The following RTN1 variants were observed in gnomAD, a reference collection of about 807,000 sequenced individuals.
RTN1 encodes reticulon 1, also known as reticulon-1.
A neutral mutation model predicts 65.5 loss-of-function variants in RTN1; 25 were observed. That is an observed-to-expected ratio of 0.38 (90% confidence interval 0.28 to 0.53). RTN1 has a LOEUF of 0.53. Among genes scored for constraint, RTN1 ranks in the 20% least tolerant of loss-of-function variants. The probability of loss-of-function intolerance (pLI) is 0.79; values close to 1 mark genes in which losing one functional copy is unlikely to be tolerated. For missense variants in RTN1, 983 were observed against 1,025.4 expected (o/e 0.96, Z 0.57); for synonymous variants, 471 against 447.6 (o/e 1.05, Z -0.66).
At chr14:59,697,025 T>C (rs1258626787) in intron 3 of RTN1, among the ~76,000 whole-genome samples, 1 of 152,130 alleles carries the variant, frequency 6.6e-6, no homozygotes, top group Admixed American at 6.5e-5. Context: ...GCTTATGTTA[T>C]TCACCCTTCT....
intron 3 of RTN1, among the ~76,000 whole-genome samples, chr14:59,707,748 CA>C (rs1346173910): frequency 6.6e-6 from 1 of 150,722 alleles, no homozygotes; most frequent in Non-Finnish European, 1.5e-5. Flanking sequence ...CACACAAATA[CA>C]TACACACAAA....
At chr14:59,657,222 T>G (rs1883139612) in intron 3 of RTN1, among the ~76,000 whole-genome samples, 1 of 151,940 alleles carries the variant, frequency 6.6e-6, no homozygotes, top group African/African-American at 2.4e-5. Flanking sequence ...CAGCCTGGCC[T>G]ACATGGTGAA....
chr14:59,749,170 ATCTATC>A (rs1885306215), intron 1 of RTN1, among the ~76,000 whole-genome samples: 1 of 71,418 alleles, frequency 1.4e-5, no homozygotes, highest in African/African-American at 7.7e-5. Context: ...CTATCTATAT[ATCTATC>A]TATATATCTA....
intron 1 of RTN1, among the ~76,000 whole-genome samples, chr14:59,813,901 T>G (rs920845299): frequency 1.3e-5 from 2 of 152,176 alleles, no homozygotes; most frequent in Non-Finnish European, 2.9e-5. Context: ...ATAGACGTCA[T>G]GATCAAAAAA....
chr14:59,726,898 T>A, intron 3 of RTN1, 21 bp downstream of exon 3: 1 of 1,597,476 alleles, frequency 6.3e-7, no homozygotes, highest in Non-Finnish European at 8.5e-7. Flanking sequence ...TAACCAAGCA[T>A]CCCTGCTTGG....
intron 1 of RTN1, among the ~76,000 whole-genome samples, chr14:59,822,116 T>C (rs1886954032): frequency 6.6e-6 from 1 of 152,244 alleles, no homozygotes; most frequent in African/African-American, 2.4e-5. Flanking sequence ...TCTGGTAGAA[T>C]TTGGCTGTGA....
intron 1 of RTN1, among the ~76,000 whole-genome samples, chr14:59,764,872 T>C (rs1315591561): frequency 2.0e-5 from 3 of 152,162 alleles, no homozygotes; most frequent in Admixed American, 6.5e-5. Context: ...CCTTATATTT[T>C]TAACAGTCAG....
intron 1 of RTN1, among the ~76,000 whole-genome samples, chr14:59,867,527 A>T (rs1363244867): frequency 6.6e-6 from 1 of 152,204 alleles, no homozygotes; most frequent in Non-Finnish European, 1.5e-5. Context: ...AAAATAGAGG[A>T]TTGATGGAGT....
At chr14:59,743,851 T>C (rs1419025262) in intron 2 of RTN1, among the ~76,000 whole-genome samples, 1 of 152,212 alleles carries the variant, frequency 6.6e-6, no homozygotes, top group Non-Finnish European at 1.5e-5. Flanking sequence ...GGATTGGGAC[T>C]GCTTCCTTGG....
intron 2 of RTN1, among the ~76,000 whole-genome samples, chr14:59,742,618 C>A (rs1295475599): frequency 2.0e-5 from 3 of 152,164 alleles, no homozygotes; most frequent in East Asian, 1.9e-4. Context: ...AAAGCTAACC[C>A]AAATTAGAAT....
Position 59,870,367 on chromosome 14 carries a change from A to G in RTN1, c.241+23T>C. ...GGGCCCTGGTCCCCGACGCCATTTG[A>G]GGGGCAGCGGCGCCCGCCTTACCTG... On this transcript the variant is annotated intron_variant, in intron 1 of 8. Coordinates refer to ENST00000267484, the MANE Select transcript of RTN1 (RefSeq NM_021136.3). The surrounding 1 kb of genome is among the most constrained non-coding windows in gnomAD (Gnocchi z 5.1). 6.7e-7 allele frequency: 1 copy of G among 1,482,370 alleles called. No homozygotes were observed. The allele number at this position is 1,482,370 out of a possible 1,614,324, so 91.8% of individuals were successfully genotyped here.
At chr14:59,676,204 T>C (rs1241032796) in intron 3 of RTN1, among the ~76,000 whole-genome samples, 1 of 152,228 alleles carries the variant, frequency 6.6e-6, no homozygotes, top group East Asian at 1.9e-4. Flanking sequence ...AATGTATACT[T>C]ATGACTAACT....
At position 59,825,264 on chromosome 14, in the gene RTN1, C is replaced by T. The variant is rs1452696124; in HGVS notation, c.241+45126G>A. The stretch of plus-strand genomic sequence containing the variant: ...TCCCCTGGGAAGAAAAACTGCTTCC[C>T]CAACCCCAGCTGAGAACCTTAGCTC... On this transcript the variant is annotated intron_variant, in intron 1 of 8. Coordinates refer to ENST00000267484, the MANE Select transcript of RTN1 (RefSeq NM_021136.3). This position sits in a 1 kb window ranked among gnomAD's most constrained non-coding sequence, Gnocchi z 4.2. Among the ~76,000 whole-genome samples the T allele has an allele frequency of 6.6e-6, 1 of 152,130 alleles. No individual in the cohort carries two copies. Among genetic ancestry groups the T allele is most frequent in the Non-Finnish European group, 1.5e-5 (1 of 68,028 alleles).
At chr14:59,636,164 G>T (rs1048108874) in intron 3 of RTN1, among the ~76,000 whole-genome samples, 1 of 152,150 alleles carries the variant, frequency 6.6e-6, no homozygotes, top group East Asian at 1.9e-4. Context: ...GATGTGGTTT[G>T]GATATTTTTC....
In RTN1 at chr14:59,829,619, C is replaced by A. The variant is rs892077600; in HGVS notation, c.241+40771G>T. Among the ~76,000 whole-genome samples the A allele has an allele frequency of 6.6e-6, 1 of 152,220 alleles. No homozygotes were observed. Among genetic ancestry groups the A allele is most frequent in the Non-Finnish European group, 1.5e-5 (1 of 68,046 alleles). On this transcript the variant is annotated intron_variant, in intron 1 of 8. Coordinates refer to ENST00000267484, the MANE Select transcript of RTN1 (RefSeq NM_021136.3). This position sits in a 1 kb window ranked among gnomAD's most constrained non-coding sequence, Gnocchi z 4.3. ...GAGGGCAGGGCACCAAACAACATTT[C>A]ATTTCCTGCTCATGCTCCCTGTCCA...
At chr14:59,826,632 C>A (rs1887036117) in intron 1 of RTN1, among the ~76,000 whole-genome samples, 1 of 152,206 alleles carries the variant, frequency 6.6e-6, no homozygotes, top group Non-Finnish European at 1.5e-5. Flanking sequence ...CAAAGGCCCA[C>A]TTTTGCTAAA....
chr14:59,675,566 AAT>A (rs1424267283), intron 3 of RTN1, among the ~76,000 whole-genome samples: 2 of 147,932 alleles, frequency 1.4e-5, no homozygotes, highest in East Asian at 3.9e-4. Flanking sequence ...ATTTAATAAT[AAT>A]ATATTTTATA....
At chr14:59,721,548 G>C (rs988601135) in intron 3 of RTN1, among the ~76,000 whole-genome samples, 7 of 152,172 alleles carry the variant, frequency 4.6e-5, no homozygotes, top group Non-Finnish European at 1.5e-5. Flanking sequence ...GTTTCGAGGT[G>C]GGGGTAGATT....
chr14:59,720,252 TA>T (rs11414630), intron 3 of RTN1, among the ~76,000 whole-genome samples: 43 of 150,396 alleles, frequency 2.9e-4, no homozygotes, highest in African/African-American at 9.5e-4. Flanking sequence ...GCCACCATTT[TA>T]AAAAAAAAAC....
Sources: allele counts gnomAD v4.1 joint callset (sites outside exome capture counted in the v4.1 genomes callset), GRCh38; gene constraint gnomAD v4.1.1; non-coding constraint Gnocchi (gnomAD v3.1); transcripts MANE v1.5; gene names NCBI Gene and HGNC (gene_info 2026-07-23, HGNC 2026-07-21).